The following PHF8 variants were observed in gnomAD, a reference collection of about 807,000 sequenced individuals.
PHF8 encodes the protein histone lysine demethylase PHF8.
In PHF8, 9 loss-of-function variants were observed where a neutral mutation model predicts 74.4. The observed-to-expected ratio is 0.12, with a 90% CI of 0.07 to 0.21. PHF8 has a LOEUF of 0.21. Among genes scored for constraint, PHF8 ranks in the 10% least tolerant of loss-of-function variants. The pLI is 1.00. For missense variants in PHF8, 478 were observed against 816.6 expected, an observed-to-expected ratio of 0.59 and a Z score of 5.05; for synonymous variants, 311 against 316.6, an observed-to-expected ratio of 0.98 and a Z score of 0.19.
chrX:53,940,040 C>T, intron 21 of PHF8, 140 bp downstream of exon 21: 4 of 487,758 alleles, frequency 8.2e-6, no homozygotes, highest in Non-Finnish European at 1.4e-5. Flanking sequence ...AACATCTCTC[C>T]ATGGCCCATA....
intron 8 of PHF8, among the ~76,000 whole-genome samples, chrX:54,009,041 G>A (rs2065939465): frequency 9.0e-6 from 1 of 111,188 alleles, no homozygotes; most frequent in Non-Finnish European, 1.9e-5. Context: ...AGCCGGGTGT[G>A]GTAGCACAAG....
chrX:53,995,498 G>A (rs918445285), intron 12 of PHF8, among the ~76,000 whole-genome samples, 195 bp downstream of exon 12: 2 of 112,187 alleles, frequency 1.8e-5, no homozygotes, highest in East Asian at 2.8e-4. Flanking sequence ...CACTATTTAC[G>A]TATTTTAAGA....
chrX:53,995,744 C>T lies in PHF8; in HGVS notation c.1272G>A (p.Val424=). 8.3e-7 allele frequency: 1 copy of T among 1,203,866 alleles called. No individual in the cohort carries two copies. Among genetic ancestry groups the T allele is most frequent in the South Asian group, 1.8e-5 (1 of 56,712 alleles). The part of the protein sequence containing the change: ...PDHEDEIPET[V]RTVQLIKDLA... ...GATCTTTAATGAGCTGTACGGTTCG[C>T]ACTGTCTCCGGGATCTCATCCTCAT... Residue 424 remains valine, a synonymous_variant, in exon 12 of 22, where the codon GTG becomes GTA. Transcript: ENST00000338154.
intron 18 of PHF8, among the ~76,000 whole-genome samples, chrX:53,970,411 C>T (rs782359439): frequency 3.6e-5 from 4 of 111,997 alleles, no homozygotes; most frequent in Non-Finnish European, 5.6e-5. Flanking sequence ...GTATACAGAC[C>T]AGTGACACTA....
chrX:53,942,166 G>A (rs1389616461), intron 20 of PHF8, among the ~76,000 whole-genome samples: 4 of 111,427 alleles, frequency 3.6e-5, no homozygotes, highest in Non-Finnish European at 7.5e-5. Flanking sequence ...GCAGATCCCC[G>A]CCCAAGTTCA....
chrX:53,963,945 T>C (rs781952693), intron 18 of PHF8, among the ~76,000 whole-genome samples: 16 of 112,093 alleles, frequency 1.4e-4, no homozygotes, highest in African/African-American at 4.5e-4. Context: ...CGTATGTTTA[T>C]TGCAGCACTG....
At chrX:53,977,557 A>T (rs782054214) in intron 18 of PHF8, among the ~76,000 whole-genome samples, 11 of 111,454 alleles carry the variant, frequency 9.9e-5, no homozygotes, top group African/African-American at 3.6e-4. Flanking sequence ...ATATTGACAA[A>T]ACCAAGTGCT....
rs1437411418 is a variant in PHF8 at position 53,939,167 on chromosome X, T to C, written c.3066A>G (p.Leu1022=). ...RILKIHRNGK[L]LL ...TGGGACACAGGAGGGCTCACAGAAG[T>C]AGTTTGCCATTTCTGTGGATTTTCA... is the stretch of plus-strand genomic sequence containing the variant. The change falls in exon 22 of 22, where the codon CTA becomes CTG. Residue 1022 remains leucine, a synonymous_variant. Coordinates refer to ENST00000338154, the MANE Select transcript of PHF8 (RefSeq NM_015107.3). 3.3e-6 allele frequency: 4 copies of C among 1,205,824 alleles called. No homozygotes were observed. The highest frequency in any genetic ancestry group is 3.4e-6 in the Non-Finnish European group (3 of 892,408).
At chrX:53,963,600 A>G (rs1277406438) in intron 18 of PHF8, among the ~76,000 whole-genome samples, 1 of 112,245 alleles carries the variant, frequency 8.9e-6, no homozygotes, top group Non-Finnish European at 1.9e-5. Context: ...TTCTCAAAAG[A>G]AGACATTTAT....
rs782294520 is a variant in PHF8, at chrX:53,992,863, G to A, written c.1627-24C>T. The A allele has an allele frequency of 5.2e-5, 52 of 1,002,251 alleles. No individual in the cohort carries two copies. In the South Asian group the frequency reaches 8.1e-4, roughly 16 times the overall value. 82.6% of individuals were successfully genotyped at this position (1,002,251 alleles called of 1,213,427 possible). ...AACTGTAGAAGTAGGAGACTCAGCC[G>A]TTACCTGTCTGGGACTCCCATGGGA... is the stretch of plus-strand genomic sequence containing the variant. On this transcript the variant is annotated intron_variant, in intron 13 of 21. Transcript: ENST00000338154.
chrX:53,954,561 A>G (rs1174725098), intron 19 of PHF8, among the ~76,000 whole-genome samples: 2 of 105,242 alleles, frequency 1.9e-5, no homozygotes, highest in East Asian at 5.9e-4. Context: ...GAGATGTCGT[A>G]ACACGTAAGA....
chrX:54,015,002 G>C (rs187670269), intron 6 of PHF8, among the ~76,000 whole-genome samples: 1 of 111,915 alleles, frequency 8.9e-6, no homozygotes, highest in East Asian at 2.8e-4. Flanking sequence ...CCTACGTAAA[G>C]CCACAAATCT....
chrX:53,977,942 G>A (rs1345611087), intron 18 of PHF8, among the ~76,000 whole-genome samples: 3 of 96,863 alleles, frequency 3.1e-5, no homozygotes, highest in South Asian at 5.0e-4. Context: ...CACTGCGCCC[G>A]GCCTTTTTTT....
In PHF8 at chrX:53,944,194, C is replaced by A; in HGVS notation, c.2589G>T (p.Gly863=). Residue 863 remains glycine, a synonymous_variant, in exon 20 of 22, where the codon GGG becomes GGT. Transcript: ENST00000338154. The stretch of plus-strand genomic sequence containing the variant: ...CTGTCTCAATAGAGGCTACCCGGGT[C>A]CCCTCACGCACAGGACGGTCCTGCT... ...LPKQDRPVRE[G]TRVASIETGL... is the part of the protein sequence containing the mutation. 1 of 1,210,066 alleles carries A rather than the reference C, an allele frequency of 8.3e-7. No individual in the cohort carries two copies. The highest frequency in any genetic ancestry group is 1.1e-6 in the Non-Finnish European group (1 of 894,574).
intron 19 of PHF8, chrX:53,944,463 G>GA (rs2064800980): frequency 1.8e-5 from 7 of 398,898 alleles, no homozygotes; most frequent in East Asian, 4.1e-5. Flanking sequence ...GAGGGAAAAA[G>GA]AAAAAAAATG....
At chrX:53,955,361 T>C (rs904694077) in intron 19 of PHF8, among the ~76,000 whole-genome samples, 3 of 110,254 alleles carry the variant, frequency 2.7e-5, no homozygotes, top group African/African-American at 9.9e-5. Context: ...TTACAGGCAT[T>C]AACCACCATG....
In PHF8 at chrX:53,940,218, C is replaced by T. The variant is rs782781295; in HGVS notation, c.2948G>A (p.Arg983His). 12 of 1,186,631 alleles carry T rather than the reference C, an allele frequency of 1.0e-5. No individual in the cohort carries two copies. The highest frequency in any genetic ancestry group is 2.3e-4 in the Middle Eastern group (1 of 4,300). The change falls in exon 21 of 22, where the codon CGC (arginine) becomes CAC (histidine). Residue 983 changes from arginine to histidine, a missense_variant. Physicochemically the swap from Arg to His is conservative, Grantham distance 29. Around this residue, in one of 9 missense-constraint regions of PHF8, gnomAD observed 75 missense variants for 93.3 expected, o/e 0.80. Transcript: ENST00000338154. ...ATTGCTCTGGGAGCCAACTGAAGGG[C>T]GCCGCTGGGTCAAGAAGACACCGGG... ...MAPGVFLTQR[R>H]PSVGSQSNQA...
At chrX:53,965,291 C>CGT (rs1308308753) in intron 18 of PHF8, among the ~76,000 whole-genome samples, 2 of 112,032 alleles carry the variant, frequency 1.8e-5, no homozygotes, top group African/African-American at 6.5e-5. Flanking sequence ...ATCAACCTGG[C>CGT]AAAAACTGTC....
chrX:54,015,472 A>C (rs1282341113), intron 6 of PHF8, among the ~76,000 whole-genome samples: 1 of 102,678 alleles, frequency 9.7e-6, no homozygotes, highest in Non-Finnish European at 2.0e-5. Context: ...GCTACTCGGG[A>C]GGCTGAGGCA....
Sources: gnomAD v4.1 joint callset for allele counts (sites outside exome capture counted in the v4.1 genomes callset) on GRCh38, gnomAD v4.1.1 for gene constraint, gnomAD v4.1.1 regional missense constraint, MANE v1.5 for transcripts, NCBI Gene and HGNC (gene_info 2026-07-23, HGNC 2026-07-21) for gene names.